The following CCDC73 variants were observed in gnomAD, a reference collection of about 807,000 sequenced individuals.
CCDC73 encodes the protein coiled-coil domain containing 73.
Under a neutral mutation model 116.5 loss-of-function variants are expected in CCDC73, and 95 were observed. That is an observed-to-expected ratio of 0.82 (90% CI 0.69 to 0.97). The LOEUF is 0.97. Ranked by LOEUF, CCDC73 falls within the 50% of genes least tolerant of loss-of-function variation. The pLI, the probability that CCDC73 is intolerant of heterozygous loss-of-function variation, is 0.00. For missense variants in CCDC73, 1,066 were observed against 1,206.8 expected, an observed-to-expected ratio of 0.88 and a Z score of 1.73; for synonymous variants, 398 against 401.3, an observed-to-expected ratio of 0.99 and a Z score of 0.10.
the CCDC73 span, among the ~76,000 whole-genome samples, chr11:32,815,341 T>TTC: frequency 6.6e-6 from 1 of 150,934 alleles, no homozygotes; most frequent in African/African-American, 2.4e-5. Flanking sequence ...ATTTTTGCTT[T>TTC]TTTTTTTTTT....
At chr11:32,664,504 T>C (rs1855961759) in intron 9 of CCDC73, among the ~76,000 whole-genome samples, 1 of 152,238 alleles carries the variant, frequency 6.6e-6, no homozygotes, top group African/African-American at 2.4e-5. Flanking sequence ...GTAGTTTGTA[T>C]TTCCGTGGGA....
intron 2 of CCDC73, among the ~76,000 whole-genome samples, chr11:32,729,343 C>T (rs991060475): frequency 5.3e-5 from 8 of 152,212 alleles, no homozygotes; most frequent in South Asian, 4.1e-4. Context: ...CTGCAAAGGA[C>T]ATGATCTCGT....
chr11:32,786,383 ATT>A, intron 1 of CCDC73, among the ~76,000 whole-genome samples: 1 of 58,906 alleles, frequency 1.7e-5, no homozygotes, highest in Middle Eastern at 9.8e-3. Flanking sequence ...TAAATATATT[ATT>A]TATATAATTA....
intron 2 of CCDC73, among the ~76,000 whole-genome samples, chr11:32,738,765 T>A (rs1024042666): frequency 6.6e-6 from 1 of 152,136 alleles, no homozygotes; most frequent in African/African-American, 2.4e-5. Context: ...ACTCAAGAAA[T>A]CTCTGCCCAG....
intron 2 of CCDC73, among the ~76,000 whole-genome samples, chr11:32,747,553 C>G (rs1565092028): frequency 6.6e-6 from 1 of 152,216 alleles, no homozygotes; most frequent in Non-Finnish European, 1.5e-5. Context: ...TCTAGAGAGG[C>G]AGTAGGCCTT....
chr11:32,817,378 T>G, the CCDC73 span, among the ~76,000 whole-genome samples: 3 of 152,234 alleles, frequency 2.0e-5, no homozygotes, highest in Non-Finnish European at 4.4e-5. Flanking sequence ...TGTTGCCAAA[T>G]GGCCCTCCAG....
At chr11:32,655,782 A>G (rs1855865886) in intron 9 of CCDC73, among the ~76,000 whole-genome samples, 1 of 152,200 alleles carries the variant, frequency 6.6e-6, no homozygotes, top group African/African-American at 2.4e-5. Context: ...TTTTAGAAAA[A>G]TAACTCTGGC....
At chr11:32,805,846 A>G in the CCDC73 span, among the ~76,000 whole-genome samples, 1 of 152,178 alleles carries the variant, frequency 6.6e-6, no homozygotes, top group African/African-American at 2.4e-5. Context: ...TGGAGACTCA[A>G]CTGGAGCTGA....
chr11:32,770,549 C>G (rs1850484495), intron 1 of CCDC73, among the ~76,000 whole-genome samples: 1 of 152,044 alleles, frequency 6.6e-6, no homozygotes, highest in Admixed American at 6.6e-5. Context: ...GAAAAAAATT[C>G]CACAATCACA....
At chr11:32,731,476 C>T (rs868431483) in intron 2 of CCDC73, among the ~76,000 whole-genome samples, 2 of 152,224 alleles carry the variant, frequency 1.3e-5, no homozygotes, top group Non-Finnish European at 2.9e-5. Context: ...TCAAGTGGGT[C>T]CCTGACTCCC....
chr11:32,795,468 C>CA (rs71463373), upstream of CCDC73, among the ~76,000 whole-genome samples: 438 of 64,428 alleles, frequency 6.8e-3, 2 homozygotes, highest in Admixed American at 0.01. Flanking sequence ...AAAACCCTGT[C>CA]AAAAAAAAAA....
intron 6 of CCDC73, among the ~76,000 whole-genome samples, chr11:32,694,443 C>G (rs1168250046): frequency 1.3e-5 from 2 of 152,038 alleles, no homozygotes; most frequent in African/African-American, 4.8e-5. Flanking sequence ...AAGAACATTC[C>G]ATGCTCTTCC....
At chr11:32,714,094 C>G (rs529674456) in intron 3 of CCDC73, among the ~76,000 whole-genome samples, 31 of 152,048 alleles carry the variant, frequency 2.0e-4, no homozygotes, top group Admixed American at 7.2e-4. Flanking sequence ...ACTCATTTTA[C>G]TGGGACTGTC....
chr11:32,713,764 C>G (rs1849921731), intron 3 of CCDC73, among the ~76,000 whole-genome samples: 1 of 152,004 alleles, frequency 6.6e-6, no homozygotes, highest in African/African-American at 2.4e-5. Context: ...CAAGGACAAA[C>G]TGAACATTAT....
chr11:32,819,992 T>C, the CCDC73 span, among the ~76,000 whole-genome samples: 17 of 152,180 alleles, frequency 1.1e-4, no homozygotes, highest in Non-Finnish European at 2.4e-4. Flanking sequence ...TTTCTTCTCT[T>C]TCCTTATCTC....
intron 3 of CCDC73, among the ~76,000 whole-genome samples, chr11:32,717,532 A>C (rs770307769): frequency 2.0e-5 from 3 of 152,214 alleles, no homozygotes; most frequent in Non-Finnish European, 4.4e-5. Context: ...AGTTTTCTGG[A>C]AGCCTAAATG....
At chr11:32,637,093 C>T (rs1855688762) in intron 13 of CCDC73, among the ~76,000 whole-genome samples, 1 of 139,498 alleles carries the variant, frequency 7.2e-6, no homozygotes, top group Non-Finnish European at 1.5e-5. Context: ...GATCTTGGCT[C>T]ACTGCAACCT....
intron 17 of CCDC73, among the ~76,000 whole-genome samples, chr11:32,606,650 A>G (rs1855354798): frequency 6.6e-6 from 1 of 152,224 alleles, no homozygotes; most frequent in Admixed American, 6.5e-5. Context: ...AAAGTATAAT[A>G]TAGCATTTGA....
intron 17 of CCDC73, among the ~76,000 whole-genome samples, chr11:32,606,812 T>C (rs1030522490): frequency 1.4e-5 from 2 of 144,326 alleles, no homozygotes; most frequent in Admixed American, 6.9e-5. Context: ...AATTCTTTTT[T>C]TTTTTTTTTT....
Sources: gnomAD v4.1 joint callset for allele counts (sites outside exome capture counted in the v4.1 genomes callset) on GRCh38, gnomAD v4.1.1 for gene constraint, MANE v1.5 for transcripts, NCBI Gene and HGNC (gene_info 2026-07-23, HGNC 2026-07-21) for gene names.